The following PDE11A variants were observed in gnomAD, a reference collection of about 807,000 sequenced individuals.
PDE11A encodes the protein dual 3',5'-cyclic-AMP and -GMP phosphodiesterase 11A.
In PDE11A, 100 loss-of-function variants were observed where a neutral mutation model predicts 100.5. The ratio of observed to expected loss-of-function variants is 1.00; its 90% CI spans 0.85 to 1.18. PDE11A has a LOEUF of 1.18. PDE11A is among the 50% of genes most tolerant of loss of function. The pLI, the probability that PDE11A is intolerant of heterozygous loss-of-function variation, is 0.00. For missense variants in PDE11A, 1,141 were observed against 1,152.6 expected, an observed-to-expected ratio of 0.99 and a Z score of 0.15; for synonymous variants, 381 against 420.8, an observed-to-expected ratio of 0.91 and a Z score of 1.16.
At chr2:177,766,006 T>G (rs2082233759) in intron 10 of PDE11A, among the ~76,000 whole-genome samples, 1 of 152,198 alleles carries the variant, frequency 6.6e-6, no homozygotes, top group East Asian at 1.9e-4. Context: ...AAACTCTGGC[T>G]TAAGCTCTGA....
chr2:177,988,755 T>C (rs1410253136), intron 2 of PDE11A, among the ~76,000 whole-genome samples: 3 of 152,132 alleles, frequency 2.0e-5, no homozygotes, highest in Non-Finnish European at 4.4e-5. Context: ...TGAATTAATG[T>C]TGGAAGTCAA....
At chr2:177,849,662 A>G (rs2083662858) in intron 5 of PDE11A, among the ~76,000 whole-genome samples, 1 of 151,622 alleles carries the variant, frequency 6.6e-6, no homozygotes, top group African/African-American at 2.4e-5. Context: ...ATGAGGTTTC[A>G]CCATGTAGTC....
chr2:177,854,631 C>G (rs2083797176), intron 5 of PDE11A, among the ~76,000 whole-genome samples: 1 of 152,076 alleles, frequency 6.6e-6, no homozygotes, highest in Non-Finnish European at 1.5e-5. Context: ...TTCAGTGGAT[C>G]ACCCCAACTT....
At chr2:177,777,368 C>A (rs987534029) in intron 9 of PDE11A, among the ~76,000 whole-genome samples, 6 of 152,062 alleles carry the variant, frequency 3.9e-5, no homozygotes, top group African/African-American at 1.4e-4. Flanking sequence ...AAAAGTAATT[C>A]TTAATTACTT....
chr2:177,704,130 CA>C (rs943002838), intron 13 of PDE11A, among the ~76,000 whole-genome samples: 2 of 152,090 alleles, frequency 1.3e-5, no homozygotes, highest in African/African-American at 4.8e-5. Context: ...TTCATTCAAC[CA>C]ATAAGCATTG....
rs755929779 is a variant in PDE11A, at chr2:177,905,198, G to A, written c.1072-11C>T. The A allele has an allele frequency of 7.5e-6, 11 of 1,475,544 alleles. No homozygotes were observed. In the East Asian group the frequency reaches 2.5e-4, roughly 33 times the overall value. 91.4% of individuals were successfully genotyped at this position (1,475,544 alleles called of 1,614,324 possible). On this transcript the variant is annotated splice_polypyrimidine_tract_variant and intron_variant, in intron 2 of 19. Coordinates refer to ENST00000286063, the MANE Select transcript of PDE11A (RefSeq NM_016953.4). ...ATACATCTGCATAACCTGGGACAAA[G>A]AGAGTAGTAAGAACATTAAAACATA...
intron 2 of PDE11A, among the ~76,000 whole-genome samples, chr2:178,090,242 C>T (rs73972691): frequency 0.025 from 3,866 of 152,260 alleles, 162 homozygotes; most frequent in African/African-American, 0.088. Flanking sequence ...GGATTTAAGC[C>T]TCTCAGAAAT....
Position 177,668,298 on chromosome 2 carries a change from C to A in PDE11A, c.2562+1195G>T, listed in dbSNP as rs555979694. On this transcript the variant is annotated intron_variant, in intron 18 of 19. Coordinates refer to ENST00000286063, the MANE Select transcript of PDE11A (RefSeq NM_016953.4). ...ATTGTAAACCCTTCAGAGTATGCCTCTGAAACAGTTTTTAAAGGGGGAAAA... is the reference window on the plus strand; with the variant it reads ...ATTGTAAACCCTTCAGAGTATGCCTATGAAACAGTTTTTAAAGGGGGAAAA... 3.9e-5 allele frequency among the ~76,000 whole-genome samples: 6 copies of A among 152,108 alleles called. No homozygotes were observed. The South Asian group carries it at 8.3e-4, about 21-fold the overall frequency.
At chr2:177,818,015 T>C in intron 7 of PDE11A, 90 bp from the exon 8 acceptor site, 1 of 737,010 alleles carries the variant, frequency 1.4e-6, no homozygotes, top group Non-Finnish European at 2.5e-6. Flanking sequence ...CTATGCCTTT[T>C]TTAAGGAACT....
At chr2:177,941,229 C>T (rs951720195) in intron 2 of PDE11A, among the ~76,000 whole-genome samples, 5 of 152,230 alleles carry the variant, frequency 3.3e-5, no homozygotes, top group African/African-American at 1.2e-4. Flanking sequence ...GGCTTGAAGA[C>T]ATCAGGCAGC....
intron 10 of PDE11A, among the ~76,000 whole-genome samples, chr2:177,754,362 A>C (rs2082063792): frequency 6.6e-6 from 1 of 152,116 alleles, no homozygotes; most frequent in South Asian, 2.1e-4. Flanking sequence ...AAAACAAAAA[A>C]CAAAAAACAA....
chr2:177,790,852 A>G (rs2082619656), intron 9 of PDE11A, among the ~76,000 whole-genome samples: 1 of 152,222 alleles, frequency 6.6e-6, no homozygotes, highest in African/African-American at 2.4e-5. Flanking sequence ...ATCTCACATC[A>G]GTTAGAATGG....
Position 178,038,038 on chromosome 2 carries a change from TAA to T in PDE11A, c.913-23580_913-23579del, listed in dbSNP as rs71010852. Among the ~76,000 whole-genome samples the T allele has an allele frequency of 8.7e-5, 13 of 150,078 alleles. No homozygotes were observed. The South Asian group carries it at 1.3e-3, about 15-fold the overall frequency. On this transcript the variant is annotated intron_variant, in intron 1 of 19. Coordinates refer to ENST00000286063, the MANE Select transcript of PDE11A (RefSeq NM_016953.4). ...ATGTATCCTAGAACTTAAAGTATAATAAAAAAAAAATTGCTAAGGGTTATAGA... is the reference window on the plus strand; with the variant it reads ...ATGTATCCTAGAACTTAAAGTATAATAAAAAAAATTGCTAAGGGTTATAGA...
intron 9 of PDE11A, among the ~76,000 whole-genome samples, chr2:177,800,774 A>T (rs16865786): frequency 1.3e-5 from 2 of 152,282 alleles, no homozygotes; most frequent in African/African-American, 2.4e-5. Context: ...AGTACACTAG[A>T]TCTATGTCTA....
intron 19 of PDE11A, among the ~76,000 whole-genome samples, chr2:177,635,295 T>C (rs2080022645): frequency 6.6e-6 from 1 of 152,164 alleles, no homozygotes; most frequent in African/African-American, 2.4e-5. Flanking sequence ...AAGTGTAGGT[T>C]AGAGTTGATG....
intron 7 of PDE11A, among the ~76,000 whole-genome samples, chr2:177,819,425 A>C (rs1201140700): frequency 3.3e-5 from 5 of 152,064 alleles, no homozygotes; most frequent in Admixed American, 6.6e-5. Flanking sequence ...TCTTAGGAAA[A>C]AAAGTCACAT....
intron 1 of PDE11A, among the ~76,000 whole-genome samples, chr2:178,066,000 C>A (rs1424185188): frequency 6.6e-6 from 1 of 151,666 alleles, no homozygotes; most frequent in Non-Finnish European, 1.5e-5. Context: ...ATAATGCATT[C>A]TTAAATACAA....
intron 9 of PDE11A, among the ~76,000 whole-genome samples, chr2:177,793,161 C>T (rs1173221828): frequency 6.6e-6 from 1 of 152,140 alleles, no homozygotes; most frequent in African/African-American, 2.4e-5. Context: ...TCATGCAGGG[C>T]CTTTCAGGCG....
chr2:177,816,914 A>T lies in PDE11A; in HGVS notation c.1652T>A (p.Val551Asp). The T allele has an allele frequency of 6.2e-7, 1 of 1,603,280 alleles. No homozygotes were observed. Among genetic ancestry groups the T allele is most frequent in the Non-Finnish European group, 8.5e-7 (1 of 1,170,228 alleles). ...GTTGATGCCAAGTCCACAAAAGATG[A>T]CAAAAGCCTAGGAAAGAGCAAACCT... ...DADQRLFEAF[V>D]IFCGLGINNT... is the part of the protein sequence containing the mutation. The change falls in exon 9 of 20, where the codon GTC becomes GAC. Residue 551 changes from valine (V) to aspartate (D), a missense_variant. Val to Asp is a radical substitution (Grantham distance 152). Coordinates refer to ENST00000286063, the MANE Select transcript of PDE11A (RefSeq NM_016953.4).
Sources: allele counts gnomAD v4.1 joint callset (sites outside exome capture counted in the v4.1 genomes callset), GRCh38; gene constraint gnomAD v4.1.1; transcripts MANE v1.5; gene names NCBI Gene and HGNC (gene_info 2026-07-23, HGNC 2026-07-21).